Variants in CDIN1 observed in about 807,000 individuals in gnomAD.
CDIN1 encodes CDAN1-interacting nuclease 1.
A neutral mutation model predicts 45.3 loss-of-function variants in CDIN1; 33 were observed. The ratio of observed to expected loss-of-function variants is 0.73; its 90% confidence interval spans 0.55 to 0.97. The LOEUF is 0.97. Ranked by LOEUF, CDIN1 falls within the 50% of genes least tolerant of loss-of-function variation. The pLI is 0.00. For synonymous variants in CDIN1, 118 were observed against 124.4 expected (o/e 0.95, Z 0.34); for missense variants, 303 against 339.4 (o/e 0.89, Z 0.84).
chr15:36,678,930 A>C (rs1466741096), intron 5 of CDIN1, among the ~76,000 whole-genome samples: 1 of 152,192 alleles, frequency 6.6e-6, no homozygotes, highest in Non-Finnish European at 1.5e-5. Context: ...ATAAAAATGG[A>C]TGTGATATTA....
chr15:36,619,002 G>A, intron 1 of CDIN1: 2 of 1,502,180 alleles, frequency 1.3e-6, no homozygotes, highest in East Asian at 4.5e-5. Context: ...TTCTTGTGTA[G>A]CCACTATGGG....
chr15:36,747,349 A>T (rs1255280663), intron 10 of CDIN1: 1 of 192,432 alleles, frequency 5.2e-6, no homozygotes, highest in African/African-American at 2.3e-5. Flanking sequence ...CTCCCAAAAA[A>T]AGGGCGGCTG....
At chr15:36,783,873 A>G (rs2054418583) in intron 10 of CDIN1, among the ~76,000 whole-genome samples, 1 of 152,156 alleles carries the variant, frequency 6.6e-6, no homozygotes. Flanking sequence ...TAATCTGCCT[A>G]AAACCTCATT....
intron 10 of CDIN1, among the ~76,000 whole-genome samples, chr15:36,744,725 C>T (rs1335857048): frequency 6.6e-6 from 1 of 151,972 alleles, no homozygotes; most frequent in East Asian, 1.9e-4. Flanking sequence ...TGAATCGGAC[C>T]CCCTCTGCAC....
At chr15:36,703,337 C>CTATCATATATATATA (rs1221239720) in intron 8 of CDIN1, among the ~76,000 whole-genome samples, 1 of 95,794 alleles carries the variant, frequency 1.0e-5, no homozygotes, top group East Asian at 3.1e-4. Flanking sequence ...TCAGATAGAT[C>CTATCATATATATATA]TATCAGATAT....
intron 10 of CDIN1, chr15:36,746,845 G>A: frequency 6.0e-6 from 2 of 335,774 alleles, no homozygotes; most frequent in African/African-American, 4.7e-5. Flanking sequence ...CCTCTTCCAG[G>A]CTCAAGTGAC....
At position 36,645,256 on chromosome 15, in the gene CDIN1, A is replaced by C. The variant is rs1274684791; in HGVS notation, c.181A>C (p.Thr61Pro). 3.9e-6 allele frequency: 6 copies of C among 1,553,484 alleles called. No individual in the cohort carries two copies. Among genetic ancestry groups the C allele is most frequent in the Non-Finnish European group, 4.4e-6 (5 of 1,147,638 alleles). The change falls in exon 3 of 11, where the codon ACT becomes CCT. Residue 61 changes from threonine (T) to proline (P), a missense_variant. Physicochemically the swap from Thr to Pro is conservative, Grantham distance 38. Transcript: ENST00000566621. ...TAAAAGAACACATGCCAAACATCATACTTCGGAAGCAATTGAAAGTTATTA... is the reference window on the plus strand; with the variant it reads ...TAAAAGAACACATGCCAAACATCATCCTTCGGAAGCAATTGAAAGTTATTA... ...HIKRTHAKHH[T>P]SEAIESYYQR...
Position 36,701,932 on chromosome 15 carries a change from C to T in CDIN1, c.544+4542C>T, listed in dbSNP as rs1042307977. 4.6e-5 allele frequency: 28 copies of T among 613,910 alleles called. No individual in the cohort carries two copies. The Admixed American group carries it at 6.5e-4, about 14-fold the overall frequency. The allele number at this position is 613,910 out of a possible 1,614,324, so 38.0% of individuals were successfully genotyped here. A position where few individuals can be genotyped will look rare whatever the true frequency, so the allele number is the denominator to read the frequency against. On this transcript the variant is annotated intron_variant, in intron 8 of 10. Coordinates refer to ENST00000566621, the MANE Select transcript of CDIN1 (RefSeq NM_001321759.2). ...CTTTGTTTCTAAGAGTTCATCTGCC[C>T]CTGCTGCTTTATTCCTCACCTGAAG...
chr15:36,800,947 T>C (rs1414754737), intron 10 of CDIN1, among the ~76,000 whole-genome samples: 1 of 27,022 alleles, frequency 3.7e-5, no homozygotes, highest in African/African-American at 6.9e-5. Context: ...ATATATATGA[T>C]TCTCTGCTGT....
At chr15:36,759,733 G>A (rs898319091) in intron 10 of CDIN1, among the ~76,000 whole-genome samples, 3 of 152,174 alleles carry the variant, frequency 2.0e-5, no homozygotes, top group Non-Finnish European at 4.4e-5. Context: ...CAGAAGGCAT[G>A]ACTGGGGAGG....
At chr15:36,642,009 A>T (rs1013608607) in intron 1 of CDIN1, 1 of 152,220 alleles carries the variant, frequency 6.6e-6, no homozygotes, top group Admixed American at 6.5e-5. Context: ...TTTGGCCGAA[A>T]CAGATCAAAC....
Position 36,696,003 on chromosome 15 carries a change from A to G in CDIN1, c.477-1320A>G, listed in dbSNP as rs145236529. Reference sequence around the variant, plus strand: ...TAATTTTAATACTTTTTGAGAAGCTATATGGAGGTCATAAACATAGACTTG... The same window carrying G: ...TAATTTTAATACTTTTTGAGAAGCTGTATGGAGGTCATAAACATAGACTTG... On this transcript the variant is annotated intron_variant, in intron 7 of 10. Coordinates refer to ENST00000566621, the MANE Select transcript of CDIN1 (RefSeq NM_001321759.2). Among the ~76,000 whole-genome samples the G allele has an allele frequency of 3.3e-4, 50 of 152,182 alleles. No homozygotes were observed. In the East Asian group the frequency reaches 9.7e-3, roughly 29 times the overall value.
At chr15:36,609,465 T>C (rs2038543545) in intron 1 of CDIN1, among the ~76,000 whole-genome samples, 1 of 152,026 alleles carries the variant, frequency 6.6e-6, no homozygotes, top group African/African-American at 2.4e-5. Flanking sequence ...CAACTTAAAA[T>C]GAAAAAACTT....
chr15:36,668,247 C>T (rs1024102703), intron 5 of CDIN1: 1 of 152,086 alleles, frequency 6.6e-6, no homozygotes. Context: ...AATGTACCTA[C>T]CATTTCCTTG....
At chr15:36,734,185 G>A (rs2043932087) in intron 10 of CDIN1, among the ~76,000 whole-genome samples, 1 of 152,000 alleles carries the variant, frequency 6.6e-6, no homozygotes, top group Non-Finnish European at 1.5e-5. Flanking sequence ...CCGTAAAGTA[G>A]GAACATCTAT....
intron 1 of CDIN1, among the ~76,000 whole-genome samples, chr15:36,581,967 C>T (rs1444318292): frequency 6.6e-6 from 1 of 152,174 alleles, no homozygotes; most frequent in Non-Finnish European, 1.5e-5. Context: ...TTTCATTATA[C>T]AATATCAAAA....
chr15:36,591,821 G>T (rs1194515707), intron 1 of CDIN1: 1 of 152,206 alleles, frequency 6.6e-6, no homozygotes, highest in South Asian at 2.1e-4. Flanking sequence ...TTTGACCAAA[G>T]TTCCATATCT....
rs951918088 is a variant in CDIN1, at chr15:36,645,500, G to A, written c.212+213G>A. Among the ~76,000 whole-genome samples, 18 of 147,414 alleles carry A rather than the reference G, an allele frequency of 1.2e-4. No individual in the cohort carries two copies. The East Asian group carries it at 1.8e-3, about 15-fold the overall frequency. Reference sequence around the variant, plus strand: ...ATGGTAAGGCTGTCTTGACTTGTGTGTGTGTGTGTGTGTGTGTGTGTGTGT... The same window carrying A: ...ATGGTAAGGCTGTCTTGACTTGTGTATGTGTGTGTGTGTGTGTGTGTGTGT... On this transcript the variant is annotated intron_variant, in intron 3 of 10. Transcript: ENST00000566621.
At chr15:36,747,709 G>A (rs2044494297) in intron 10 of CDIN1, among the ~76,000 whole-genome samples, 1 of 152,180 alleles carries the variant, frequency 6.6e-6, no homozygotes, top group South Asian at 2.1e-4. Flanking sequence ...GGTAGGAATT[G>A]TTTGAATTTC....
Sources: allele counts gnomAD v4.1 joint callset (sites outside exome capture counted in the v4.1 genomes callset), GRCh38; gene constraint gnomAD v4.1.1; transcripts MANE v1.5; gene names NCBI Gene and HGNC (gene_info 2026-07-23, HGNC 2026-07-21).